The following RNGTT variants were observed in gnomAD, a reference collection of about 807,000 sequenced individuals.
The protein encoded by RNGTT is RNA guanylyltransferase and 5'-phosphatase.
A neutral mutation model predicts 79.3 loss-of-function variants in RNGTT; 33 were observed. The observed-to-expected ratio is 0.42, with a 90% CI of 0.32 to 0.56. The LOEUF is 0.56. RNGTT is among the 20% of genes least tolerant of loss of function. RNGTT has a pLI of 0.17. For missense variants in RNGTT, 497 were observed against 739.1 expected, an observed-to-expected ratio of 0.67 and a Z score of 3.80; for synonymous variants, 222 against 235.9, an observed-to-expected ratio of 0.94 and a Z score of 0.54.
intron 11 of RNGTT, among the ~76,000 whole-genome samples, chr6:88,836,744 A>G (rs1399479978): frequency 3.3e-5 from 5 of 152,194 alleles, no homozygotes; most frequent in African/African-American, 1.2e-4. Context: ...TATCTCTAAA[A>G]TAAAATAAAA....
chr6:88,615,167 A>G (rs1176035150), intron 14 of RNGTT, among the ~76,000 whole-genome samples: 3 of 152,214 alleles, frequency 2.0e-5, no homozygotes, highest in Non-Finnish European at 4.4e-5. Context: ...TGTAGTTTTC[A>G]AATCAAATGC....
At chr6:88,782,828 CA>C (rs1374343074) in intron 12 of RNGTT, among the ~76,000 whole-genome samples, 1 of 152,116 alleles carries the variant, frequency 6.6e-6, no homozygotes, top group Non-Finnish European at 1.5e-5. Context: ...AAATGCAAAT[CA>C]AAACCTCAAT....
intron 14 of RNGTT, among the ~76,000 whole-genome samples, chr6:88,657,614 G>A (rs2127780521): frequency 6.6e-6 from 1 of 152,266 alleles, no homozygotes; most frequent in Non-Finnish European, 1.5e-5. Flanking sequence ...GGGAAGGGGT[G>A]AGGCCTGAGA....
In RNGTT at chr6:88,801,587, C is replaced by G; in HGVS notation, c.1315G>C (p.Gly439Arg). ...FAKEVSHEMD[G>R]LIFQPTGKYK... ...ACTCCAGTAGGCTGAAAAATAAGTC[C>G]ATCCATTTCATGGCTCACTTCTTTG... The change falls in exon 12 of 16, where the codon GGA becomes CGA. Residue 439 changes from glycine (G) to arginine (R), a missense_variant. By Grantham distance (125) the Gly-to-Arg change is moderately radical. Transcript: ENST00000369485. The G allele has an allele frequency of 6.2e-7, 1 of 1,611,264 alleles. No individual in the cohort carries two copies. Among genetic ancestry groups the G allele is most frequent in the Non-Finnish European group, 8.5e-7 (1 of 1,178,620 alleles).
In RNGTT at chr6:88,899,515, C is replaced by T. The variant is rs113980993; in HGVS notation, c.684+5200G>A. 2.3e-3 allele frequency among the ~76,000 whole-genome samples: 343 copies of T among 152,136 alleles called. 1 individual carries two copies. Among genetic ancestry groups the T allele is most frequent in the African/African-American group, 8.0e-3 (332 of 41,510 alleles). On this transcript the variant is annotated intron_variant, in intron 6 of 15. Coordinates refer to ENST00000369485, the MANE Select transcript of RNGTT (RefSeq NM_003800.5). ...CTAGTCTCAAACTCCTGAGCTCAAG[C>T]AATCCTTCCGCCTCGGCCTCCCAAA...
chr6:88,635,643 G>GT (rs1189968015), intron 14 of RNGTT, among the ~76,000 whole-genome samples: 1 of 151,894 alleles, frequency 6.6e-6, no homozygotes, highest in Non-Finnish European at 1.5e-5. Flanking sequence ...ATTTATAATC[G>GT]TGGTTTCTAA....
chr6:88,747,797 G>C lies in RNGTT; in HGVS notation c.1439+21977C>G, dbSNP rs76513027. Among the ~76,000 whole-genome samples the C allele has an allele frequency of 5.5e-3, 840 of 152,220 alleles. 6 individuals carry two copies. Among genetic ancestry groups the C allele is most frequent in the Middle Eastern group, 0.031 (9 of 294 alleles). On this transcript the variant is annotated intron_variant, in intron 13 of 15. Coordinates refer to ENST00000369485, the MANE Select transcript of RNGTT (RefSeq NM_003800.5). Reference sequence around the variant, plus strand: ...GAAGAATCTGTTTCCCTTTCCTATGGAGCTATACATTCATTTGGCCCATGA... The same window carrying C: ...GAAGAATCTGTTTCCCTTTCCTATGCAGCTATACATTCATTTGGCCCATGA...
chr6:88,612,639 A>G lies in RNGTT; in HGVS notation c.*80T>C, dbSNP rs755113159. The G allele has an allele frequency of 6.8e-5, 96 of 1,415,786 alleles. No homozygotes were observed. The highest frequency in any genetic ancestry group is 8.7e-5 in the Non-Finnish European group (91 of 1,045,886). 87.7% of individuals were successfully genotyped at this position (1,415,786 alleles called of 1,614,324 possible). A position where few individuals can be genotyped will look rare whatever the true frequency, so the allele number is the denominator to read the frequency against. On this transcript the variant is annotated 3_prime_UTR_variant, in exon 16 of 16. Coordinates refer to ENST00000369485, the MANE Select transcript of RNGTT (RefSeq NM_003800.5). ...AACATCAAGCCACAGTCGTTTTTCA[A>G]TTTCTCTGGCTACAAAAATGGGCAA... is the stretch of plus-strand genomic sequence containing the variant.
At chr6:88,681,102 CA>C (rs1390518801) in intron 13 of RNGTT, among the ~76,000 whole-genome samples, 1 of 152,116 alleles carries the variant, frequency 6.6e-6, no homozygotes, top group Non-Finnish European at 1.5e-5. Flanking sequence ...TCCTATATAA[CA>C]AATGTTCACA....
At chr6:88,716,015 C>T (rs1776497942) in intron 13 of RNGTT, among the ~76,000 whole-genome samples, 1 of 151,828 alleles carries the variant, frequency 6.6e-6, no homozygotes, top group African/African-American at 2.4e-5. Flanking sequence ...AAACTACCAT[C>T]AGAGTGAACA....
At chr6:88,674,415 T>C (rs1011352278) in intron 14 of RNGTT, among the ~76,000 whole-genome samples, 1 of 151,996 alleles carries the variant, frequency 6.6e-6, no homozygotes, top group Non-Finnish European at 1.5e-5. Flanking sequence ...AGCATGCACC[T>C]GTAGTTCCAG....
intron 11 of RNGTT, among the ~76,000 whole-genome samples, chr6:88,812,669 G>A (rs965935017): frequency 2.6e-5 from 4 of 152,168 alleles, no homozygotes; most frequent in Admixed American, 6.5e-5. Context: ...ACAGTAAGAC[G>A]GACGCGTGAG....
intron 4 of RNGTT, among the ~76,000 whole-genome samples, chr6:88,917,729 A>G (rs1386204201): frequency 6.6e-6 from 1 of 152,052 alleles, no homozygotes; most frequent in Admixed American, 6.6e-5. Context: ...TCTACTAAAA[A>G]TAGAAAAATT....
intron 14 of RNGTT, among the ~76,000 whole-genome samples, chr6:88,645,999 A>G (rs58167023): frequency 0.02 from 3,094 of 152,332 alleles, 112 homozygotes; most frequent in African/African-American, 0.069. Flanking sequence ...CAAAATTGAC[A>G]AATGGGATCT....
intron 14 of RNGTT, among the ~76,000 whole-genome samples, chr6:88,633,628 G>A (rs1038570047): frequency 6.6e-6 from 1 of 150,806 alleles, no homozygotes; most frequent in Non-Finnish European, 1.5e-5. Flanking sequence ...CAACTAAAAT[G>A]TTTTTTTTTA....
At chr6:88,779,419 G>T (rs1778989120) in intron 12 of RNGTT, among the ~76,000 whole-genome samples, 1 of 151,920 alleles carries the variant, frequency 6.6e-6, no homozygotes, top group Non-Finnish European at 1.5e-5. Flanking sequence ...CTCCTAATAG[G>T]TACCTAATGA....
chr6:88,658,119 C>A (rs1476713353), intron 14 of RNGTT, among the ~76,000 whole-genome samples: 2 of 152,208 alleles, frequency 1.3e-5, no homozygotes, highest in Non-Finnish European at 2.9e-5. Context: ...GAAAGCGCCA[C>A]CTCCTGTCTG....
chr6:88,854,149 C>A (rs538218875), intron 8 of RNGTT, among the ~76,000 whole-genome samples: 1 of 151,794 alleles, frequency 6.6e-6, no homozygotes, highest in African/African-American at 2.4e-5. Flanking sequence ...ATGTTGGTCG[C>A]GAACTCCTGG....
intron 12 of RNGTT, among the ~76,000 whole-genome samples, chr6:88,783,155 G>A (rs187894334): frequency 2.6e-5 from 4 of 152,258 alleles, no homozygotes; most frequent in East Asian, 1.9e-4. Flanking sequence ...AATGCCCTGC[G>A]ATGGATGAAT....
Sources: gnomAD v4.1 joint callset for allele counts (sites outside exome capture counted in the v4.1 genomes callset) on GRCh38, gnomAD v4.1.1 for gene constraint, MANE v1.5 for transcripts, NCBI Gene and HGNC (gene_info 2026-07-23, HGNC 2026-07-21) for gene names.